ARL2: variants seen among roughly 807,000 people sequenced by gnomAD.
ARL2 encodes the protein ADP-ribosylation factor-like protein 2.
In ARL2, 11 loss-of-function variants were observed where a neutral mutation model predicts 22.0. The observed-to-expected ratio is 0.50, with a 90% CI of 0.31 to 0.83. ARL2 has a LOEUF of 0.83. Among genes scored for constraint, ARL2 ranks in the 40% least tolerant of loss-of-function variants. The pLI is 0.04. For synonymous variants in ARL2, 111 were observed against 100.8 expected (o/e 1.10, Z -0.61); for missense variants, 216 against 243.2 (o/e 0.89, Z 0.74).
At chr11:65,015,527 A>G (rs1250116324) in intron 1 of ARL2, among the ~76,000 whole-genome samples, 1 of 152,216 alleles carries the variant, frequency 6.6e-6, no homozygotes, top group Non-Finnish European at 1.5e-5. Flanking sequence ...TAATAAAACT[A>G]AAAAATCTTA....
At chr11:65,019,983 G>GA (rs1434878826) in intron 3 of ARL2, among the ~76,000 whole-genome samples, 1 of 152,218 alleles carries the variant, frequency 6.6e-6, no homozygotes, top group African/African-American at 2.4e-5. Flanking sequence ...GAAACAACTA[G>GA]AATCAGAGGT....
At position 65,021,726 on chromosome 11, in the gene ARL2, G is replaced by A; in HGVS notation, c.426G>A (p.Leu142=). 1 of 1,602,160 alleles carries A rather than the reference G, an allele frequency of 6.2e-7. No individual in the cohort carries two copies. Among genetic ancestry groups the A allele is most frequent in the Non-Finnish European group, 8.5e-7 (1 of 1,174,832 alleles). ...ALSSNAIREV[L]ELDSIRSHHW... ...CAGCACCTTTGTCCTCCCAGGTCCT[G>A]GAGCTGGACTCCATCCGCAGCCACC... The change falls in exon 5 of 5, where the codon CTG becomes CTA. Residue 142 remains leucine (L), a synonymous_variant. Coordinates refer to ENST00000246747, the MANE Select transcript of ARL2 (RefSeq NM_001667.4).
rs1200448743 is a variant in ARL2, at chr11:65,018,918, C to T, written c.339+185C>T. ...ATGCTGTGGACTGAGATTGAGTTAA[C>T]GTCCCTGTGGTGTTACTACGTCACT... On this transcript the variant is annotated intron_variant, in intron 3 of 4. Transcript: ENST00000246747. The surrounding 1 kb of genome is among the most constrained non-coding windows in gnomAD (Gnocchi z 4.2). 1.7e-5 allele frequency: 26 copies of T among 1,531,408 alleles called. No individual in the cohort carries two copies. The highest frequency in any genetic ancestry group is 3.9e-5 in the Admixed American group (2 of 50,856). The allele number at this position is 1,531,408 out of a possible 1,614,324, so 94.9% of individuals were successfully genotyped here.
At chr11:65,015,972 G>C (rs1437618500) in intron 1 of ARL2, among the ~76,000 whole-genome samples, 1 of 152,048 alleles carries the variant, frequency 6.6e-6, no homozygotes, top group African/African-American at 2.4e-5. Context: ...TTGAAAGGCC[G>C]GGGCGGATGG....
In ARL2 at chr11:65,018,294, T is replaced by A; in HGVS notation, c.66-70T>A. 7.5e-7 allele frequency: 1 copy of A among 1,329,568 alleles called. No homozygotes were observed. Among genetic ancestry groups the A allele is most frequent in the South Asian group, 1.3e-5 (1 of 76,866 alleles). 82.4% of individuals were successfully genotyped at this position (1,329,568 alleles called of 1,614,324 possible). ...ACATGGTGGGAAATAATGAGTCCCCTAAGGGGCTCTGCAACAATGTCACCA... is the reference window on the plus strand; with the variant it reads ...ACATGGTGGGAAATAATGAGTCCCCAAAGGGGCTCTGCAACAATGTCACCA... On this transcript the variant is annotated intron_variant, in intron 1 of 4. Transcript: ENST00000246747. The surrounding 1 kb of genome is among the most constrained non-coding windows in gnomAD (Gnocchi z 4.2).
chr11:65,020,082 C>T (rs1386854879), intron 3 of ARL2, among the ~76,000 whole-genome samples: 1 of 152,226 alleles, frequency 6.6e-6, no homozygotes, highest in Non-Finnish European at 1.5e-5. Context: ...CATGTCTGGT[C>T]ATCAGATTGG....
chr11:65,020,869 C>CAAAAAAAA (rs58186585), intron 4 of ARL2, among the ~76,000 whole-genome samples: 25 of 68,082 alleles, frequency 3.7e-4, no homozygotes, highest in African/African-American at 1.3e-3. Context: ...GACTTCGTCT[C>CAAAAAAAA]AAAAAAAAAA....
Position 65,018,760 on chromosome 11 carries a change from A to G in ARL2, c.339+27A>G. 1.2e-6 allele frequency: 2 copies of G among 1,612,750 alleles called. No individual in the cohort carries two copies. Among genetic ancestry groups the G allele is most frequent in the East Asian group, 2.2e-5 (1 of 44,860 alleles). On this transcript the variant is annotated intron_variant, in intron 3 of 4. Coordinates refer to ENST00000246747, the MANE Select transcript of ARL2 (RefSeq NM_001667.4). The surrounding 1 kb of genome is among the most constrained non-coding windows in gnomAD (Gnocchi z 4.2). ...TGGGCAGCTCCTACCCTTTGTGTAC[A>G]TGTATGGACGTGTGGCTGCCTTCTC...
At chr11:65,021,290 G>A (rs1457165685) in intron 4 of ARL2, among the ~76,000 whole-genome samples, 1 of 152,200 alleles carries the variant, frequency 6.6e-6, no homozygotes, top group Non-Finnish European at 1.5e-5. Context: ...AGAAAGAGCA[G>A]GGTTAAAATC....
At position 65,014,206 on chromosome 11, in the gene ARL2, C is replaced by T; in HGVS notation, c.-2C>T. On this transcript the variant is annotated 5_prime_UTR_variant, in exon 1 of 5. Coordinates refer to ENST00000246747, the MANE Select transcript of ARL2 (RefSeq NM_001667.4). The stretch of plus-strand genomic sequence containing the variant: ...GGCGGCCGGGAGGGGGCTCCGGGGA[C>T]CATGGGGCTCCTGACCATTCTGAAG... 6.4e-7 allele frequency: 1 copy of T among 1,569,744 alleles called. No individual in the cohort carries two copies. Among genetic ancestry groups the T allele is most frequent in the Non-Finnish European group, 8.6e-7 (1 of 1,161,860 alleles).
chr11:65,019,239 CAAAAA>C (rs928198007), intron 3 of ARL2: 15 of 140,522 alleles, frequency 1.1e-4, no homozygotes, highest in Non-Finnish European at 1.6e-4. Flanking sequence ...GACCCTGTCT[CAAAAA>C]AAAAAAAAAA....
rs1229336168 is a variant in ARL2, at chr11:65,018,666, T to G, written c.272T>G (p.Val91Gly). The change falls in exon 3 of 5, where the codon GTG (valine) becomes GGG (glycine). Residue 91 changes from valine (V) to glycine (G), a missense_variant. Physicochemically the swap from Val to Gly is moderately radical, Grantham distance 109. Coordinates refer to ENST00000246747, the MANE Select transcript of ARL2 (RefSeq NM_001667.4). This position sits in a 1 kb window ranked among gnomAD's most constrained non-coding sequence, Gnocchi z 4.2. ...FESTDGLIWV[V>G]DSADRQRMQD... ...AGCACCGATGGCCTCATCTGGGTAG[T>G]GGACAGCGCAGACCGCCAGCGCATG... The G allele has an allele frequency of 1.1e-5, 17 of 1,614,048 alleles. No individual in the cohort carries two copies. The highest frequency in any genetic ancestry group is 1.7e-5 in the Admixed American group (1 of 60,000).
chr11:65,016,161 C>A (rs1189978262), intron 1 of ARL2, among the ~76,000 whole-genome samples: 2 of 146,638 alleles, frequency 1.4e-5, no homozygotes, highest in Non-Finnish European at 3.0e-5. Flanking sequence ...GAGCTGAGAT[C>A]ACGCCATTGC....
At chr11:65,020,832 G>A (rs1946319235) in intron 4 of ARL2, among the ~76,000 whole-genome samples, 3 of 147,618 alleles carry the variant, frequency 2.0e-5, no homozygotes, top group Middle Eastern at 3.5e-3. Context: ...TTGCGCCATT[G>A]TACTCTAGCC....
chr11:65,018,557 C>T lies in ARL2; in HGVS notation c.177-14C>T, dbSNP rs74814065. 3,059 of 1,604,490 alleles carry T rather than the reference C, an allele frequency of 1.9e-3. 59 individuals carry two copies. The African/African-American group carries it at 0.035, about 18-fold the overall frequency. On this transcript the variant is annotated splice_polypyrimidine_tract_variant and intron_variant, in intron 2 of 4. Coordinates refer to ENST00000246747, the MANE Select transcript of ARL2 (RefSeq NM_001667.4). The surrounding 1 kb of genome is among the most constrained non-coding windows in gnomAD (Gnocchi z 4.2). ...GGGCCCAGCTGACCCTCCTGTCACC[C>T]GCTCCTTGCCCAGATTCAAGCTGAA...
At chr11:65,019,239 C>CAA (rs928198007) in intron 3 of ARL2, 1,431 of 140,410 alleles carry the variant, frequency 0.01, 22 homozygotes, top group African/African-American at 0.041. Context: ...GACCCTGTCT[C>CAA]AAAAAAAAAA....
In ARL2 at chr11:65,018,592, T is replaced by C; in HGVS notation, c.198T>C (p.Asp66=). 1 of 1,611,814 alleles carries C rather than the reference T, an allele frequency of 6.2e-7. No homozygotes were observed. The highest frequency in any genetic ancestry group is 8.5e-7 in the Non-Finnish European group (1 of 1,178,952). Residue 66 remains aspartate, a synonymous_variant, in exon 3 of 5, where the codon GAT becomes GAC. Transcript: ENST00000246747. The surrounding 1 kb of genome is among the most constrained non-coding windows in gnomAD (Gnocchi z 4.2). ...CCAGATTCAAGCTGAACATCTGGGA[T>C]GTGGGTGGCCAGAAGTCCCTGCGGT... ...EHRGFKLNIW[D]VGGQKSLRSY...
intron 1 of ARL2, among the ~76,000 whole-genome samples, chr11:65,016,975 C>G (rs755179591): frequency 1.3e-5 from 2 of 152,098 alleles, no homozygotes; most frequent in Non-Finnish European, 2.9e-5. Flanking sequence ...TGACTGAGCG[C>G]TGTCCCAGCA....
At position 65,018,468 on chromosome 11, in the gene ARL2, AC is replaced by A; in HGVS notation, c.172del (p.Arg58GlufsTer5). ...GGCTTCAACATCAAGACCCTGGAGC[AC>A]CGAGGGTGAGCAGGGGCCCCATGGG... Reference protein sequence around the residue: ...TLGFNIKTLEHRGFKLNIWDV... With the variant: ...TLGFNIKTLEXRGFKLNIWDV... On this transcript the variant is annotated frameshift_variant, in exon 2 of 5. Transcript: ENST00000246747. LOFTEE classifies it high-confidence loss of function. The surrounding 1 kb of genome is among the most constrained non-coding windows in gnomAD (Gnocchi z 4.2). 1.9e-6 allele frequency: 3 copies of A among 1,607,196 alleles called. No individual in the cohort carries two copies. Among genetic ancestry groups the A allele is most frequent in the Non-Finnish European group, 2.5e-6 (3 of 1,177,102 alleles).
Sources: allele counts gnomAD v4.1 joint callset (sites outside exome capture counted in the v4.1 genomes callset), GRCh38; gene constraint gnomAD v4.1.1; non-coding constraint Gnocchi (gnomAD v3.1); transcripts MANE v1.5; gene names NCBI Gene and HGNC (gene_info 2026-07-23, HGNC 2026-07-21).